VAMP7: variants seen among roughly 807,000 people sequenced by gnomAD.
VAMP7 encodes vesicle associated membrane protein 7, also known as vesicle-associated membrane protein 7.
In VAMP7, 14 loss-of-function variants were observed where a neutral mutation model predicts 29.6. The observed-to-expected ratio is 0.47, with a 90% confidence interval of 0.31 to 0.74. The LOEUF (loss-of-function observed/expected upper bound fraction) is 0.74. VAMP7 is among the 30% of genes least tolerant of loss of function. The pLI, the probability that VAMP7 is intolerant of heterozygous loss-of-function variation, is 0.05. For synonymous variants in VAMP7, 95 were observed against 88.1 expected (o/e 1.08, Z -0.44); for missense variants, 223 against 262.4 (o/e 0.85, Z 1.04).
intron 6 of VAMP7, among the ~76,000 whole-genome samples, chrX:155,931,826 T>C (rs1222269751): frequency 1.3e-5 from 2 of 152,140 alleles, no homozygotes; most frequent in African/African-American, 4.8e-5. Context: ...TCTTCTAGGG[T>C]TTTTATGGTT....
chrX:155,903,108 G>A (rs1165025514), intron 5 of VAMP7, among the ~76,000 whole-genome samples: 3 of 152,024 alleles, frequency 2.0e-5, no homozygotes. Context: ...GAGGGTGTAT[G>A]TGTCGAGGAA....
chrX:155,919,225 G>T (rs909439), intron 5 of VAMP7, among the ~76,000 whole-genome samples: 8,109 of 152,114 alleles, frequency 0.053, 290 homozygotes, highest in Middle Eastern at 0.14. Flanking sequence ...TTTTGGTTTT[G>T]TTGGGAGACT....
At position 155,893,897 on chromosome X, in the gene VAMP7, A is replaced by C. The variant is rs776122594; in HGVS notation, c.147-1726A>C. Among the ~76,000 whole-genome samples the C allele has an allele frequency of 8.5e-5, 13 of 152,356 alleles. No individual in the cohort carries two copies. The South Asian group carries it at 1.9e-3, about 22-fold the overall frequency. The stretch of plus-strand genomic sequence containing the variant: ...TTTCCAAAAGGAAGTGGTCAACACT[A>C]TCATATGTTTCAGAGAGAGCCACTG... On this transcript the variant is annotated intron_variant, in intron 2 of 7. Transcript: ENST00000286448.
intron 6 of VAMP7, among the ~76,000 whole-genome samples, chrX:155,920,681 T>G (rs1166540304): frequency 3.3e-5 from 5 of 152,302 alleles, no homozygotes; most frequent in Middle Eastern, 6.8e-3. Flanking sequence ...GGCAAATGAC[T>G]TAACCTCTTT....
intron 3 of VAMP7, among the ~76,000 whole-genome samples, chrX:155,896,212 C>T (rs1397597820): frequency 6.6e-6 from 1 of 152,174 alleles, no homozygotes; most frequent in African/African-American, 2.4e-5. Flanking sequence ...TGCAAATCAA[C>T]TCAATTTTGG....
chrX:155,909,385 C>T (rs1356622008), intron 5 of VAMP7, among the ~76,000 whole-genome samples: 9 of 152,002 alleles, frequency 5.9e-5, no homozygotes, highest in Admixed American at 2.0e-4. Flanking sequence ...GGTCATTCTA[C>T]GTAAAGGTTT....
intron 6 of VAMP7, among the ~76,000 whole-genome samples, chrX:155,939,321 C>G (rs1449212429): frequency 1.3e-5 from 2 of 152,116 alleles, no homozygotes; most frequent in Non-Finnish European, 2.9e-5. Flanking sequence ...TGGCTCAAAG[C>G]CCCGGAATTA....
At chrX:155,894,911 C>T (rs190594568) in intron 2 of VAMP7, among the ~76,000 whole-genome samples, 8 of 152,262 alleles carry the variant, frequency 5.3e-5, no homozygotes, top group African/African-American at 9.6e-5. Context: ...CCAGCCACCA[C>T]GCCTGGCCTT....
chrX:155,919,789 T>C, intron 5 of VAMP7, 24 bp from the exon 6 acceptor site: 1 of 1,599,794 alleles, frequency 6.3e-7, no homozygotes, highest in East Asian at 2.2e-5. Flanking sequence ...AACTTGACCT[T>C]TTCTACTTTT....
chrX:155,894,232 A>G (rs2065958094), intron 2 of VAMP7, among the ~76,000 whole-genome samples: 1 of 145,206 alleles, frequency 6.9e-6, no homozygotes, highest in Non-Finnish European at 1.5e-5. Flanking sequence ...CTTACCCGGT[A>G]TACTGCAGTA....
In VAMP7 at chrX:155,919,676, T is replaced by C. The variant is rs1156681963; in HGVS notation, c.434-137T>C. ...TGGGCTAGTCCTTGTTTTCGAGTGG[T>C]GTCACCAGTGGGTGAAGCATGCCTG... On this transcript the variant is annotated intron_variant, in intron 5 of 7. Transcript: ENST00000286448. 6 of 716,800 alleles carry C rather than the reference T, an allele frequency of 8.4e-6. No individual in the cohort carries two copies. In the African/African-American group the frequency reaches 1.1e-4, roughly 13 times the overall value. The allele number at this position is 716,800 out of a possible 1,614,324, so 44.4% of individuals were successfully genotyped here. A position where few individuals can be genotyped will look rare whatever the true frequency, so the allele number is the denominator to read the frequency against.
rs767244857 is a variant in VAMP7, at chrX:155,901,724, G to C, written c.433+1137G>C. 2.6e-5 allele frequency among the ~76,000 whole-genome samples: 4 copies of C among 152,150 alleles called. No homozygotes were observed. In the East Asian group the frequency reaches 7.7e-4, roughly 29 times the overall value. On this transcript the variant is annotated intron_variant, in intron 5 of 7. Coordinates refer to ENST00000286448, the MANE Select transcript of VAMP7 (RefSeq NM_005638.6). ...TCTGAGGGCTCTGTTCTGTTCCATT[G>C]ATCTATATCTCTGTTTTGGTACCAG...
intron 6 of VAMP7, among the ~76,000 whole-genome samples, chrX:155,937,217 A>G (rs1444841950): frequency 1.3e-5 from 2 of 152,162 alleles, no homozygotes; most frequent in Non-Finnish European, 2.9e-5. Context: ...TCTAAAAAAA[A>G]TGTTCAGTTC....
intron 5 of VAMP7, among the ~76,000 whole-genome samples, chrX:155,902,311 C>T (rs1378690612): frequency 6.6e-6 from 1 of 151,934 alleles, no homozygotes; most frequent in Non-Finnish European, 1.5e-5. Context: ...ATGTCATCTG[C>T]AAATAGGGAC....
chrX:155,927,907 TG>T (rs976727691), intron 6 of VAMP7, among the ~76,000 whole-genome samples: 13 of 151,874 alleles, frequency 8.6e-5, no homozygotes, highest in Non-Finnish European at 1.6e-4. Context: ...CTTTTGTTGT[TG>T]TTGTTGTTGT....
At chrX:155,912,948 A>G (rs2066259132) in intron 5 of VAMP7, among the ~76,000 whole-genome samples, 1 of 152,174 alleles carries the variant, frequency 6.6e-6, no homozygotes, top group African/African-American at 2.4e-5. Context: ...TGTCTTTGAC[A>G]ATGGTTGAAC....
intron 5 of VAMP7, among the ~76,000 whole-genome samples, chrX:155,905,828 A>G (rs2066139327): frequency 6.6e-6 from 1 of 152,168 alleles, no homozygotes; most frequent in Admixed American, 6.5e-5. Context: ...GGAAATATTC[A>G]TCTTCCAACT....
Position 155,922,847 on chromosome X carries a change from A to G in VAMP7, c.501+2967A>G, listed in dbSNP as rs1372409175. Among the ~76,000 whole-genome samples the G allele has an allele frequency of 3.3e-5, 5 of 152,020 alleles. No individual in the cohort carries two copies. In the South Asian group the frequency reaches 8.3e-4, roughly 25 times the overall value. On this transcript the variant is annotated intron_variant, in intron 6 of 7. Coordinates refer to ENST00000286448, the MANE Select transcript of VAMP7 (RefSeq NM_005638.6). ...TTCGTTGGAAAATTTAAAATCTGCC[A>G]TCTTGCTGTTTGTTTCCTATTTATA...
intron 6 of VAMP7, among the ~76,000 whole-genome samples, chrX:155,935,096 G>T (rs995381349): frequency 3.3e-5 from 5 of 152,066 alleles, no homozygotes; most frequent in African/African-American, 1.2e-4. Context: ...GCTTCCCTTT[G>T]TGGGTAACCC....
Sources: gnomAD v4.1 joint callset for allele counts (sites outside exome capture counted in the v4.1 genomes callset) on GRCh38, gnomAD v4.1.1 for gene constraint, MANE v1.5 for transcripts, NCBI Gene and HGNC (gene_info 2026-07-23, HGNC 2026-07-21) for gene names.